The following GPC6 variants were observed in gnomAD, a reference collection of about 807,000 sequenced individuals.
GPC6 encodes glypican-6.
A neutral mutation model predicts 55.2 loss-of-function variants in GPC6; 14 were observed. The observed-to-expected ratio is 0.25, with a 90% CI of 0.17 to 0.40. The LOEUF (loss-of-function observed/expected upper bound fraction) is 0.40, where lower values mean the gene tolerates loss of function less well. GPC6 is among the 10% of genes least tolerant of loss of function. The probability of loss-of-function intolerance (pLI) is 1.00; values close to 1 mark genes in which losing one functional copy is unlikely to be tolerated. For missense variants in GPC6, 641 were observed against 708.5 expected (o/e 0.90, Z 1.08); for synonymous variants, 278 against 259.6 (o/e 1.07, Z -0.68).
intron 3 of GPC6, among the ~76,000 whole-genome samples, chr13:93,894,379 G>A (rs1875869709): frequency 6.6e-6 from 1 of 152,028 alleles, no homozygotes; most frequent in Non-Finnish European, 1.5e-5. Context: ...GTTTATACAG[G>A]GCATTTATTT....
At chr13:93,344,342 G>C (rs1182416080) in intron 1 of GPC6, among the ~76,000 whole-genome samples, 1 of 152,152 alleles carries the variant, frequency 6.6e-6, no homozygotes, top group Non-Finnish European at 1.5e-5. Context: ...GAACCTAGTA[G>C]ACTTGTCATA....
intron 3 of GPC6, among the ~76,000 whole-genome samples, chr13:93,926,888 T>C (rs1323872970): frequency 6.6e-6 from 1 of 152,172 alleles, no homozygotes; most frequent in Non-Finnish European, 1.5e-5. Flanking sequence ...TATGCGAACA[T>C]GTGTAGTTCC....
intron 4 of GPC6, among the ~76,000 whole-genome samples, chr13:94,138,631 G>C (rs1378703796): frequency 2.6e-5 from 4 of 152,120 alleles, no homozygotes; most frequent in Admixed American, 6.5e-5. Context: ...AGATAGTAAA[G>C]CTCATCTGCC....
intron 3 of GPC6, among the ~76,000 whole-genome samples, chr13:93,950,609 C>T (rs558956820): frequency 6.6e-5 from 10 of 152,236 alleles, no homozygotes; most frequent in Non-Finnish European, 1.5e-4. Context: ...CCCTTGTCTC[C>T]CAGTATTTTC....
intron 5 of GPC6, among the ~76,000 whole-genome samples, chr13:94,294,437 TA>T (rs397944823): frequency 0.093 from 10,807 of 116,690 alleles, 530 homozygotes; most frequent in East Asian, 0.24. Context: ...AAATGAAGAT[TA>T]AAAAAAAAAA....
chr13:94,355,150 A>G (rs2139173369), intron 6 of GPC6, among the ~76,000 whole-genome samples: 1 of 152,012 alleles, frequency 6.6e-6, no homozygotes, highest in Non-Finnish European at 1.5e-5. Flanking sequence ...CAGCCCCCCA[A>G]GTAGCTGGGA....
intron 2 of GPC6, among the ~76,000 whole-genome samples, chr13:93,660,997 G>A (rs1170791708): frequency 1.3e-5 from 2 of 152,138 alleles, no homozygotes; most frequent in Non-Finnish European, 2.9e-5. Flanking sequence ...TCTCTGCAGT[G>A]AGCAGACTAT....
chr13:93,830,612 T>TAAAAAA (rs369020255), intron 3 of GPC6, 67 bp downstream of exon 3: 44 of 326,390 alleles, frequency 1.3e-4, no homozygotes, highest in South Asian at 3.9e-4. Flanking sequence ...AACCAATGTT[T>TAAAAAA]AAAAAAAAAA....
At chr13:93,815,622 T>C (rs1886822153) in intron 2 of GPC6, among the ~76,000 whole-genome samples, 1 of 152,172 alleles carries the variant, frequency 6.6e-6, no homozygotes, top group Admixed American at 6.5e-5. Flanking sequence ...AATTTGACAT[T>C]TTTCTTTGAG....
chr13:93,807,072 T>C (rs1886563788), intron 2 of GPC6, among the ~76,000 whole-genome samples: 1 of 152,212 alleles, frequency 6.6e-6, no homozygotes, highest in Non-Finnish European at 1.5e-5. Flanking sequence ...ACTGGGGGCC[T>C]CACTTTTTTC....
intron 3 of GPC6, among the ~76,000 whole-genome samples, chr13:93,901,915 A>C (rs1876378112): frequency 6.6e-6 from 1 of 151,900 alleles, no homozygotes; most frequent in South Asian, 2.1e-4. Context: ...AAAAAAAAAA[A>C]AAACTTTTAA....
intron 8 of GPC6, among the ~76,000 whole-genome samples, chr13:94,401,661 C>T (rs1594243918): frequency 6.6e-6 from 1 of 152,070 alleles, no homozygotes; most frequent in Non-Finnish European, 1.5e-5. Flanking sequence ...TGTATGTGAA[C>T]GGGTAGTTGG....
intron 1 of GPC6, among the ~76,000 whole-genome samples, chr13:93,431,861 T>TTCC (rs1877372452): frequency 6.6e-6 from 1 of 152,188 alleles, no homozygotes; most frequent in African/African-American, 2.4e-5. Context: ...ATTGACTTGC[T>TTCC]TCCCTTCCTG....
chr13:94,307,985 G>A (rs771374132), intron 6 of GPC6, among the ~76,000 whole-genome samples: 5 of 152,098 alleles, frequency 3.3e-5, no homozygotes, highest in African/African-American at 4.8e-5. Flanking sequence ...GCTAACAATA[G>A]TGTATTGTTC....
chr13:94,258,035 G>A (rs969634322), intron 4 of GPC6, among the ~76,000 whole-genome samples: 9 of 152,104 alleles, frequency 5.9e-5, no homozygotes, highest in African/African-American at 2.2e-4. Flanking sequence ...TTTTTAGAAG[G>A]GTAGAGATAT....
intron 5 of GPC6, among the ~76,000 whole-genome samples, chr13:94,304,821 G>A (rs531382123): frequency 1.3e-5 from 2 of 152,146 alleles, no homozygotes; most frequent in South Asian, 4.1e-4. Context: ...TCTTAATTGT[G>A]ACATGAACAG....
Position 93,613,528 on chromosome 13 carries a change from A to ACAC in GPC6, c.319+68107_319+68108insCAC, listed in dbSNP as rs1461702620. 2.5e-3 allele frequency among the ~76,000 whole-genome samples: 295 copies of ACAC among 117,444 alleles called. 1 individual carries two copies. The highest frequency in any genetic ancestry group is 0.011 in the African/African-American group (264 of 24,516). 77.0% of individuals were successfully genotyped at this position (117,444 alleles called of 152,430 possible). On this transcript the variant is annotated intron_variant, in intron 2 of 8. Coordinates refer to ENST00000377047, the MANE Select transcript of GPC6 (RefSeq NM_005708.5). ...CAAGCAAACACACACACACACACAC[A>ACAC]AAACACACACACACACACACACACA...
At chr13:94,038,062 AT>A in intron 4 of GPC6, among the ~76,000 whole-genome samples, 1 of 151,924 alleles carries the variant, frequency 6.6e-6, no homozygotes, top group South Asian at 2.1e-4. Flanking sequence ...TAGAAACTAA[AT>A]TTTTTATTTA....
At chr13:93,362,526 G>A (rs180993724) in intron 1 of GPC6, among the ~76,000 whole-genome samples, 6 of 152,208 alleles carry the variant, frequency 3.9e-5, no homozygotes, top group Admixed American at 2.0e-4. Context: ...ATTAAATATT[G>A]TCTTAGTGAC....
Sources: allele counts gnomAD v4.1 joint callset (sites outside exome capture counted in the v4.1 genomes callset), GRCh38; gene constraint gnomAD v4.1.1; transcripts MANE v1.5; gene names NCBI Gene and HGNC (gene_info 2026-07-23, HGNC 2026-07-21).